Variants in LIMCH1 observed in about 807,000 individuals in gnomAD.
The protein encoded by LIMCH1 is LIM and calponin homology domains 1.
In LIMCH1, 113 loss-of-function variants were observed where a neutral mutation model predicts 176.5. That is an observed-to-expected ratio of 0.64 (90% CI 0.55 to 0.75). The LOEUF (loss-of-function observed/expected upper bound fraction) is 0.75. LIMCH1 is among the 30% of genes least tolerant of loss of function. LIMCH1 has a pLI of 0.00. For synonymous variants in LIMCH1, 619 were observed against 645.9 expected (o/e 0.96, Z 0.63); for missense variants, 1,674 against 1,814.9 (o/e 0.92, Z 1.41).
At chr4:41,603,463 A>G (rs2090262537) in intron 2 of LIMCH1, among the ~76,000 whole-genome samples, 1 of 152,244 alleles carries the variant, frequency 6.6e-6, no homozygotes, top group East Asian at 1.9e-4. Context: ...TAATTAAATA[A>G]GGTTTTAGAC....
rs1206867536 is a variant in LIMCH1 at position 41,638,904 on chromosome 4, T to G, written c.2091-28T>G. The G allele has an allele frequency of 1.9e-6, 3 of 1,601,472 alleles. No homozygotes were observed. The African/African-American group carries it at 4.0e-5, about 22-fold the overall frequency. ...CAGTGTTCACTTTCAACTCTGCCAGTCCTCTAATTTTTTATTTGATCTTAT... is the reference window on the plus strand; with the variant it reads ...CAGTGTTCACTTTCAACTCTGCCAGGCCTCTAATTTTTTATTTGATCTTAT... On this transcript the variant is annotated intron_variant, in intron 13 of 31. Coordinates refer to ENST00000503057, the MANE Select transcript of LIMCH1 (RefSeq NM_001330672.2).
intron 2 of LIMCH1, among the ~76,000 whole-genome samples, chr4:41,602,726 T>G (rs1423096591): frequency 6.6e-6 from 1 of 151,852 alleles, no homozygotes; most frequent in African/African-American, 2.4e-5. Flanking sequence ...GAGAATCGCT[T>G]GAACCTAGGA....
chr4:41,516,619 T>C (rs1236835821), intron 2 of LIMCH1, among the ~76,000 whole-genome samples: 1 of 152,196 alleles, frequency 6.6e-6, no homozygotes, highest in East Asian at 1.9e-4. Flanking sequence ...GTAAAAGATA[T>C]TGGAAATGGA....
chr4:41,670,161 AT>A (rs1362689376), intron 21 of LIMCH1, among the ~76,000 whole-genome samples: 1 of 152,194 alleles, frequency 6.6e-6, no homozygotes, highest in Non-Finnish European at 1.5e-5. Flanking sequence ...TTAAAAACTG[AT>A]TTTTTTATTG....
chr4:41,452,535 T>C (rs1045455649), intron 1 of LIMCH1, among the ~76,000 whole-genome samples: 2 of 152,236 alleles, frequency 1.3e-5, no homozygotes, highest in African/African-American at 4.8e-5. Context: ...GTTGTATTTT[T>C]TGATAATTGC....
At chr4:41,429,057 C>T (rs951338548) in intron 1 of LIMCH1, among the ~76,000 whole-genome samples, 3 of 152,284 alleles carry the variant, frequency 2.0e-5, no homozygotes, top group South Asian at 2.1e-4. Flanking sequence ...CATGCAGCAA[C>T]GTAAATAGCA....
At chr4:41,564,263 A>C (rs1292318302) in intron 1 of LIMCH1, among the ~76,000 whole-genome samples, 2 of 152,142 alleles carry the variant, frequency 1.3e-5, no homozygotes, top group Admixed American at 6.6e-5. Context: ...TAGAATTCAG[A>C]TAGCTAAATC....
chr4:41,368,710 G>T (rs189304529), intron 1 of LIMCH1, among the ~76,000 whole-genome samples: 1 of 152,204 alleles, frequency 6.6e-6, no homozygotes, highest in Admixed American at 6.5e-5. Flanking sequence ...AGGTAGATAT[G>T]TGTTGGTGGT....
At chr4:41,492,386 G>T (rs1219277685) in intron 1 of LIMCH1, among the ~76,000 whole-genome samples, 2 of 151,404 alleles carry the variant, frequency 1.3e-5, no homozygotes, top group Middle Eastern at 3.4e-3. Flanking sequence ...CCGCAAGAGA[G>T]GGAGACCGTA....
At chr4:41,541,805 T>C (rs1407311227) in intron 1 of LIMCH1, among the ~76,000 whole-genome samples, 1 of 152,232 alleles carries the variant, frequency 6.6e-6, no homozygotes, top group African/African-American at 2.4e-5. Context: ...TTGATTCCCA[T>C]GTAAGCTTTG....
At chr4:41,368,815 C>T (rs1009205215) in intron 1 of LIMCH1, among the ~76,000 whole-genome samples, 4 of 152,172 alleles carry the variant, frequency 2.6e-5, no homozygotes, top group African/African-American at 9.7e-5. Context: ...CATTTTACAT[C>T]TGAGGCACAG....
intron 4 of LIMCH1, 130 bp from the exon 5 acceptor site, chr4:41,613,336 A>T: frequency 1.2e-6 from 1 of 834,648 alleles, no homozygotes; most frequent in Non-Finnish European, 1.9e-6. Flanking sequence ...TTGATCCTGT[A>T]ACTGGTTTCC....
chr4:41,561,432 AAGTTCTTTG>A (rs2082048301), intron 1 of LIMCH1, among the ~76,000 whole-genome samples: 1 of 152,168 alleles, frequency 6.6e-6, no homozygotes, highest in Admixed American at 6.5e-5. Context: ...GAACATTTTA[AAGTTCTTTG>A]AGCATGGCGA....
chr4:41,613,936 C>A (rs938511422), intron 5 of LIMCH1, among the ~76,000 whole-genome samples: 1 of 152,206 alleles, frequency 6.6e-6, no homozygotes, highest in Non-Finnish European at 1.5e-5. Context: ...CTCCCTTGGA[C>A]TCAGTGAATC....
chr4:41,509,796 G>A (rs539367331), intron 2 of LIMCH1, among the ~76,000 whole-genome samples: 2 of 152,128 alleles, frequency 1.3e-5, no homozygotes, highest in African/African-American at 4.8e-5. Context: ...CTCTTTTTTT[G>A]AATCCTCACC....
intron 3 of LIMCH1, among the ~76,000 whole-genome samples, chr4:41,527,651 G>A (rs768941945): frequency 5.3e-5 from 8 of 151,968 alleles, no homozygotes; most frequent in Non-Finnish European, 7.4e-5. Flanking sequence ...GTAAAACTCC[G>A]TCTCTACTAA....
At chr4:41,653,871 G>A (rs2094385623) in intron 18 of LIMCH1, among the ~76,000 whole-genome samples, 1 of 152,180 alleles carries the variant, frequency 6.6e-6, no homozygotes, top group Non-Finnish European at 1.5e-5. Context: ...ATTAAGTTAG[G>A]AATTTTAAAA....
chr4:41,608,254 TTCCATGCTC>T (rs2090990307), intron 4 of LIMCH1, among the ~76,000 whole-genome samples: 1 of 152,162 alleles, frequency 6.6e-6, no homozygotes, highest in Non-Finnish European at 1.5e-5. Context: ...GGGGAGAAGA[TTCCATGCTC>T]TCCCTTTAAA....
At chr4:41,600,620 A>G (rs2089747165) in intron 2 of LIMCH1, among the ~76,000 whole-genome samples, 1 of 152,142 alleles carries the variant, frequency 6.6e-6, no homozygotes, top group South Asian at 2.1e-4. Context: ...CATCAGGAAA[A>G]TGAGGATCTA....
Sources: gnomAD v4.1 joint callset for allele counts (sites outside exome capture counted in the v4.1 genomes callset) on GRCh38, gnomAD v4.1.1 for gene constraint, MANE v1.5 for transcripts, NCBI Gene and HGNC (gene_info 2026-07-23, HGNC 2026-07-21) for gene names.